The following ARIH1 variants were observed in gnomAD, a reference collection of about 807,000 sequenced individuals.
ARIH1 encodes E3 ubiquitin-protein ligase ARIH1.
Under a neutral mutation model 85.0 loss-of-function variants are expected in ARIH1, and 8 were observed. That is an observed-to-expected ratio of 0.09 (90% CI 0.06 to 0.17). The LOEUF is 0.17. Among genes scored for constraint, ARIH1 ranks in the 10% least tolerant of loss-of-function variants. ARIH1 has a pLI of 1.00. For synonymous variants in ARIH1, 238 were observed against 253.6 expected (o/e 0.94, Z 0.59); for missense variants, 311 against 718.1 (o/e 0.43, Z 6.48).
chr15:72,574,189 C>T (rs1358858685), intron 11 of ARIH1, among the ~76,000 whole-genome samples: 1 of 152,154 alleles, frequency 6.6e-6, no homozygotes, highest in African/African-American at 2.4e-5. Flanking sequence ...GGGTTATGTG[C>T]ATAGCTTTTG....
intron 1 of ARIH1, among the ~76,000 whole-genome samples, chr15:72,502,882 T>TA (rs1435805919): frequency 1.3e-5 from 2 of 152,178 alleles, no homozygotes; most frequent in Non-Finnish European, 2.9e-5. Context: ...GAAGCCTCTT[T>TA]AAGGGGGAGT....
At chr15:72,577,395 G>A (rs377730462) in intron 11 of ARIH1, among the ~76,000 whole-genome samples, 17 of 152,148 alleles carry the variant, frequency 1.1e-4, no homozygotes, top group East Asian at 3.9e-4. Context: ...TGGATCAGCC[G>A]GGCCCAGTGG....
At chr15:72,493,437 AC>A (rs1210968564) in intron 1 of ARIH1, among the ~76,000 whole-genome samples, 1 of 152,176 alleles carries the variant, frequency 6.6e-6, no homozygotes, top group Non-Finnish European at 1.5e-5. Context: ...GCACATGTGC[AC>A]CCTGCTCAAT....
chr15:72,600,812 A>T lies in ARIH1; in HGVS notation c.*17520A>T, dbSNP rs1186473505. On this transcript the variant is annotated 3_prime_UTR_variant, in exon 14 of 14. Transcript: ENST00000379887. ...AAGGCCCTGGTACAGAAAGTGTTCT[A>T]TCTTCCTCACAAGATCTGAGGTCAA... The T allele has an allele frequency of 1.3e-5, 2 of 152,262 alleles. No individual in the cohort carries two copies. Among genetic ancestry groups the T allele is most frequent in the African/African-American group, 4.8e-5 (2 of 41,462 alleles). The allele number at this position is 152,262 out of a possible 1,614,324, so 9.4% of individuals were successfully genotyped here. A position where few individuals can be genotyped will look rare whatever the true frequency, so the allele number is the denominator to read the frequency against.
intron 2 of ARIH1, among the ~76,000 whole-genome samples, chr15:72,524,208 A>G (rs2064015624): frequency 6.6e-6 from 1 of 150,460 alleles, no homozygotes; most frequent in African/African-American, 2.5e-5. Flanking sequence ...CGGCCTCCCA[A>G]AGTGCTGGGA....
At chr15:72,535,912 C>T (rs2064079918) in intron 2 of ARIH1, among the ~76,000 whole-genome samples, 1 of 152,070 alleles carries the variant, frequency 6.6e-6, no homozygotes, top group Non-Finnish European at 1.5e-5. Flanking sequence ...AAAAGTAATA[C>T]AATCTTGAAC....
Position 72,582,222 on chromosome 15 carries a change from T to C in ARIH1, c.1589+35T>C. On this transcript the variant is annotated intron_variant, in intron 13 of 13. Coordinates refer to ENST00000379887, the MANE Select transcript of ARIH1 (RefSeq NM_005744.5). This position sits in a 1 kb window ranked among gnomAD's most constrained non-coding sequence, Gnocchi z 4.6. ...TTTTAAGCTGTTGAATAAAACTTTC[T>C]GCCAGTGATGATCCTTACTGGTAAA... 7.0e-7 allele frequency: 1 copy of C among 1,438,708 alleles called. No individual in the cohort carries two copies. The highest frequency in any genetic ancestry group is 9.7e-7 in the Non-Finnish European group (1 of 1,027,540). 89.1% of individuals were successfully genotyped at this position (1,438,708 alleles called of 1,614,324 possible).
Position 72,591,273 on chromosome 15 carries a change from C to T in ARIH1, c.*7981C>T, listed in dbSNP as rs2064342450. Reference sequence around the variant, plus strand: ...AAGAAGAAGAAATACAAAACCAACTCTTTATAGTAGACAGTTTATCCCCCA... The same window carrying T: ...AAGAAGAAGAAATACAAAACCAACTTTTTATAGTAGACAGTTTATCCCCCA... On this transcript the variant is annotated 3_prime_UTR_variant, in exon 14 of 14. Transcript: ENST00000379887. 6.7e-6 allele frequency: 1 copy of T among 149,010 alleles called. No individual in the cohort carries two copies. The highest frequency in any genetic ancestry group is 1.5e-5 in the Non-Finnish European group (1 of 67,100). 9.2% of individuals were successfully genotyped at this position (149,010 alleles called of 1,614,324 possible).
intron 3 of ARIH1, among the ~76,000 whole-genome samples, chr15:72,548,954 C>T (rs2064141215): frequency 6.6e-6 from 1 of 152,158 alleles, no homozygotes; most frequent in African/African-American, 2.4e-5. Flanking sequence ...AAAACAATGT[C>T]CTGAGACATT....
intron 9 of ARIH1, among the ~76,000 whole-genome samples, chr15:72,569,373 TTAAGG>T (rs1462509969): frequency 6.6e-6 from 1 of 152,134 alleles, no homozygotes; most frequent in Non-Finnish European, 1.5e-5. Context: ...AGCATACTTG[TTAAGG>T]AGTACAATGA....
intron 5 of ARIH1, among the ~76,000 whole-genome samples, chr15:72,559,464 G>T (rs915339677): frequency 6.6e-6 from 1 of 151,920 alleles, no homozygotes; most frequent in Non-Finnish European, 1.5e-5. Flanking sequence ...TAGAGACGAG[G>T]TTTCACCATG....
In ARIH1 at chr15:72,549,075, C is replaced by T. The variant is rs74247706; in HGVS notation, c.588+4111C>T. 1.8e-3 allele frequency among the ~76,000 whole-genome samples: 274 copies of T among 150,636 alleles called. 10 individuals are homozygous for T. The East Asian group carries it at 0.047, about 26-fold the overall frequency. On this transcript the variant is annotated intron_variant, in intron 3 of 13. Coordinates refer to ENST00000379887, the MANE Select transcript of ARIH1 (RefSeq NM_005744.5). ...CTAGGAAATGTAGCTTCGACTACAG[C>T]GTCTCTCTCTCTCTTTTTTTTTTTT... is the stretch of plus-strand genomic sequence containing the variant.
At chr15:72,532,338 T>C (rs1003627435) in intron 2 of ARIH1, among the ~76,000 whole-genome samples, 2 of 151,608 alleles carry the variant, frequency 1.3e-5, no homozygotes, top group Non-Finnish European at 2.9e-5. Flanking sequence ...ATAGACGAAA[T>C]GGGTAGATTC....
intron 1 of ARIH1, among the ~76,000 whole-genome samples, chr15:72,500,092 A>G (rs562503106): frequency 1.0e-5 from 1 of 95,984 alleles, no homozygotes; most frequent in South Asian, 5.6e-4. Context: ...TCTGGTTGTC[A>G]TTTCTCTCTT....
intron 2 of ARIH1, among the ~76,000 whole-genome samples, 194 bp from the exon 3 acceptor site, chr15:72,544,626 T>TATAC (rs112714302): frequency 6.6e-6 from 1 of 152,150 alleles, no homozygotes; most frequent in African/African-American, 2.4e-5. Flanking sequence ...TATATATATA[T>TATAC]GCACATGTAT....
Position 72,570,167 on chromosome 15 carries a change from C to T in ARIH1, c.1027-10C>T. On this transcript the variant is annotated splice_polypyrimidine_tract_variant and intron_variant, in intron 9 of 13. Transcript: ENST00000379887. ...AGCATTGACACCAACTTTATAGTTT[C>T]TCTTCATAGGAATGTCCCAAATGCC... 6.2e-7 allele frequency: 1 copy of T among 1,613,360 alleles called. No homozygotes were observed. Among genetic ancestry groups the T allele is most frequent in the East Asian group, 2.2e-5 (1 of 44,850 alleles).
At chr15:72,497,020 T>C (rs1595852667) in intron 1 of ARIH1, among the ~76,000 whole-genome samples, 1 of 152,390 alleles carries the variant, frequency 6.6e-6, no homozygotes, top group African/African-American at 2.4e-5. Flanking sequence ...GTGATGTACT[T>C]GTAAAGGGCA....
At chr15:72,536,376 C>T (rs1052260325) in intron 2 of ARIH1, among the ~76,000 whole-genome samples, 3 of 152,192 alleles carry the variant, frequency 2.0e-5, no homozygotes, top group Admixed American at 6.5e-5. Context: ...GATACAGGCT[C>T]ACTAGCTACT....
At chr15:72,571,202 G>A (rs1043801034) in intron 10 of ARIH1, among the ~76,000 whole-genome samples, 8 of 149,110 alleles carry the variant, frequency 5.4e-5, no homozygotes, top group Non-Finnish European at 1.2e-4. Flanking sequence ...CTGGTTAAGG[G>A]CATAAGCCTC....
Sources: allele counts gnomAD v4.1 joint callset (sites outside exome capture counted in the v4.1 genomes callset), GRCh38; gene constraint gnomAD v4.1.1; non-coding constraint Gnocchi (gnomAD v3.1); transcripts MANE v1.5; gene names NCBI Gene and HGNC (gene_info 2026-07-23, HGNC 2026-07-21).